The following PTPRT variants were observed in gnomAD, a reference collection of about 807,000 sequenced individuals.
PTPRT encodes the protein receptor-type tyrosine-protein phosphatase T.
A neutral mutation model predicts 176.8 loss-of-function variants in PTPRT; 56 were observed. That is an observed-to-expected ratio of 0.32 (90% confidence interval 0.26 to 0.40). The LOEUF is 0.40. Among genes scored for constraint, PTPRT ranks in the 10% least tolerant of loss-of-function variants. The pLI is 1.00. For missense variants in PTPRT, 1,540 were observed against 1,908.2 expected, an observed-to-expected ratio of 0.81 and a Z score of 3.60; for synonymous variants, 783 against 739.0, an observed-to-expected ratio of 1.06 and a Z score of -0.96.
At chr20:43,085,925 T>C (rs1006746) in intron 1 of PTPRT, among the ~76,000 whole-genome samples, 94,914 of 151,854 alleles carry the variant, frequency 0.63, 30,325 homozygotes, top group East Asian at 0.82. Flanking sequence ...ACAGAAGGGC[T>C]TGTAGGAGTT....
intron 6 of PTPRT, among the ~76,000 whole-genome samples, chr20:42,717,077 C>T (rs907277448): frequency 4.0e-5 from 6 of 151,722 alleles, no homozygotes; most frequent in African/African-American, 1.5e-4. Flanking sequence ...AGGAGATATA[C>T]CTAATGTTAA....
intron 9 of PTPRT, among the ~76,000 whole-genome samples, chr20:42,415,961 T>G (rs561479274): frequency 6.6e-6 from 1 of 152,346 alleles, no homozygotes; most frequent in African/African-American, 2.4e-5. Context: ...AAACTTGCAA[T>G]GTAGAACTGT....
intron 7 of PTPRT, among the ~76,000 whole-genome samples, chr20:42,541,283 TAC>T (rs1474205937): frequency 6.6e-6 from 1 of 152,064 alleles, no homozygotes; most frequent in African/African-American, 2.4e-5. Flanking sequence ...TGATGAGCAT[TAC>T]ATGGGGTGAA....
intron 7 of PTPRT, among the ~76,000 whole-genome samples, chr20:42,583,496 C>G (rs886322456): frequency 6.6e-6 from 1 of 152,114 alleles, no homozygotes; most frequent in Non-Finnish European, 1.5e-5. Flanking sequence ...CTTGTCATGG[C>G]TGAACACTGA....
chr20:42,428,998 G>A (rs1460333535), intron 9 of PTPRT, among the ~76,000 whole-genome samples: 1 of 152,164 alleles, frequency 6.6e-6, no homozygotes, highest in Non-Finnish European at 1.5e-5. Context: ...GGAAATTCAG[G>A]TTAATTTCAC....
At chr20:42,799,441 G>A (rs955790329) in intron 2 of PTPRT, among the ~76,000 whole-genome samples, 22 of 151,914 alleles carry the variant, frequency 1.4e-4, no homozygotes, top group Non-Finnish European at 2.9e-5. Flanking sequence ...AACAGACCCC[G>A]GGACAATGTT....
chr20:43,069,291 C>T (rs1332366713), intron 1 of PTPRT, among the ~76,000 whole-genome samples: 1 of 152,204 alleles, frequency 6.6e-6, no homozygotes, highest in African/African-American at 2.4e-5. Context: ...CGTAGCCATG[C>T]CTTGATGTTA....
chr20:42,148,345 A>T (rs1486060320), intron 17 of PTPRT, among the ~76,000 whole-genome samples: 2 of 151,098 alleles, frequency 1.3e-5, no homozygotes, highest in Non-Finnish European at 2.9e-5. Flanking sequence ...GTATTTATAG[A>T]ATCCTCAAAA....
At chr20:42,441,089 G>C (rs75099771) in intron 9 of PTPRT, among the ~76,000 whole-genome samples, 1,655 of 152,326 alleles carry the variant, frequency 0.011, 36 homozygotes, top group African/African-American at 0.038. Flanking sequence ...GTCCAGCCAA[G>C]TTGACACATA....
chr20:42,080,803 A>C lies in PTPRT; in HGVS notation c.*76T>G, dbSNP rs1338469547. 6.9e-7 allele frequency: 1 copy of C among 1,443,264 alleles called. No homozygotes were observed. Among genetic ancestry groups the C allele is most frequent in the Non-Finnish European group, 9.7e-7 (1 of 1,030,080 alleles). The allele number at this position is 1,443,264 out of a possible 1,614,324, so 89.4% of individuals were successfully genotyped here. ...GTGCCACCTCAGAGCTCCTGAGCCCAGTTACTGCCATTCACACAAAAGGGG... is the reference window on the plus strand; with the variant it reads ...GTGCCACCTCAGAGCTCCTGAGCCCCGTTACTGCCATTCACACAAAAGGGG... On this transcript the variant is annotated 3_prime_UTR_variant, in exon 31 of 31. Transcript: ENST00000373187.
chr20:42,820,659 A>G (rs1377896679), intron 2 of PTPRT, among the ~76,000 whole-genome samples: 1 of 152,152 alleles, frequency 6.6e-6, no homozygotes, highest in Admixed American at 6.5e-5. Flanking sequence ...AACAAAATAT[A>G]TCACTAGTTA....
rs117695906 is a variant in PTPRT at position 42,243,189 on chromosome 20, G to A, written c.2312+5498C>T. ...TCCCATCTGTTTGTTGATGGGATAG[G>A]AGGTAGTGCCTGTGAATGAGATGGG... On this transcript the variant is annotated intron_variant, in intron 14 of 30. Transcript: ENST00000373187. 5.9e-3 allele frequency among the ~76,000 whole-genome samples: 898 copies of A among 152,288 alleles called. 1 individual carries two copies. Among genetic ancestry groups the A allele is most frequent in the Non-Finnish European group, 9.7e-3 (659 of 68,022 alleles).
At position 42,404,887 on chromosome 20, in the gene PTPRT, T is replaced by G. The variant is rs1008725154; in HGVS notation, c.1560+43333A>C. Among the ~76,000 whole-genome samples, 19 of 150,338 alleles carry G rather than the reference T, an allele frequency of 1.3e-4. 2 individuals are homozygous for G. Among genetic ancestry groups the G allele is most frequent in the Admixed American group, 9.3e-4 (14 of 14,994 alleles). The stretch of plus-strand genomic sequence containing the variant: ...GATAAAAACAACTGAAGTATGAGAT[T>G]TTATTTTTTCCAGTAGTGAGATTAA... On this transcript the variant is annotated intron_variant, in intron 9 of 30. Coordinates refer to ENST00000373187, the MANE Select transcript of PTPRT (RefSeq NM_007050.6).
intron 15 of PTPRT, among the ~76,000 whole-genome samples, chr20:42,223,674 A>C (rs2055938375): frequency 6.6e-6 from 1 of 152,260 alleles, no homozygotes; most frequent in African/African-American, 2.4e-5. Context: ...TAGCTCTGCT[A>C]TATAAAGCAA....
chr20:42,974,274 A>G (rs969330480), intron 1 of PTPRT, among the ~76,000 whole-genome samples: 2 of 152,182 alleles, frequency 1.3e-5, no homozygotes, highest in Non-Finnish European at 2.9e-5. Context: ...ACTCCCCAAC[A>G]ACCAAAACCT....
At chr20:42,504,237 T>C (rs753828560) in intron 7 of PTPRT, among the ~76,000 whole-genome samples, 6 of 152,132 alleles carry the variant, frequency 3.9e-5, no homozygotes, top group Non-Finnish European at 8.8e-5. Flanking sequence ...GCCCAAACTG[T>C]TGCACAACAA....
chr20:43,138,596 G>A (rs1055625412), intron 1 of PTPRT, among the ~76,000 whole-genome samples: 2 of 152,236 alleles, frequency 1.3e-5, no homozygotes, highest in Non-Finnish European at 2.9e-5. Flanking sequence ...CCACTGTCAT[G>A]TAACACGGTA....
intron 17 of PTPRT, among the ~76,000 whole-genome samples, chr20:42,150,601 CACTA>C (rs1360755316): frequency 2.6e-5 from 4 of 152,218 alleles, no homozygotes; most frequent in Non-Finnish European, 4.4e-5. Flanking sequence ...TACACTTGCA[CACTA>C]ACTGTGTATG....
intron 2 of PTPRT, among the ~76,000 whole-genome samples, chr20:42,846,722 T>A (rs990905221): frequency 1.3e-5 from 2 of 152,182 alleles, no homozygotes; most frequent in Non-Finnish European, 2.9e-5. Context: ...GTTTCCCATG[T>A]GGCTAGTTGG....
Sources: allele counts gnomAD v4.1 joint callset (sites outside exome capture counted in the v4.1 genomes callset), GRCh38; gene constraint gnomAD v4.1.1; transcripts MANE v1.5; gene names NCBI Gene and HGNC (gene_info 2026-07-23, HGNC 2026-07-21).